Variants in ASTN2 observed in about 807,000 individuals in gnomAD.
ASTN2 encodes astrotactin-2.
ASTN2 carries 54 observed loss-of-function variants against 139.8 expected under a neutral mutation model. That is an observed-to-expected ratio of 0.39 (90% confidence interval 0.31 to 0.48). The LOEUF (loss-of-function observed/expected upper bound fraction) is 0.48. ASTN2 is among the 20% of genes least tolerant of loss of function. The probability of loss-of-function intolerance (pLI) is 0.95; values close to 1 mark genes in which losing one functional copy is unlikely to be tolerated. For synonymous variants in ASTN2, 756 were observed against 719.5 expected (o/e 1.05, Z -0.81); for missense variants, 1,565 against 1,725.1 (o/e 0.91, Z 1.64).
chr9:117,361,040 A>G (rs532261792), intron 1 of ASTN2, among the ~76,000 whole-genome samples: 2 of 152,254 alleles, frequency 1.3e-5, no homozygotes, highest in Admixed American at 6.5e-5. Context: ...TAAATTCTCA[A>G]TCTCAGGGGG....
At chr9:117,131,626 G>A (rs773149481) in intron 4 of ASTN2, among the ~76,000 whole-genome samples, 13 of 152,208 alleles carry the variant, frequency 8.5e-5, no homozygotes, top group Non-Finnish European at 1.5e-4. Context: ...TTACTGCCTG[G>A]AGGCTTCATC....
At position 116,972,135 on chromosome 9, in the gene ASTN2, C is replaced by T. The variant is rs117621832; in HGVS notation, c.1889+3073G>A. Among the ~76,000 whole-genome samples, 33 of 152,290 alleles carry T rather than the reference C, an allele frequency of 2.2e-4. No homozygotes were observed. In the East Asian group the frequency reaches 4.6e-3, roughly 21 times the overall value. ...CACTTGTAGTTCCCCATGTCACCAC[C>T]CTTTCCATCACCCAGAAGTAATCTC... is the stretch of plus-strand genomic sequence containing the variant. On this transcript the variant is annotated intron_variant, in intron 10 of 22. Coordinates refer to ENST00000313400, the MANE Select transcript of ASTN2 (RefSeq NM_001365068.1).
At chr9:116,593,008 A>C (rs1410749939) in intron 19 of ASTN2, among the ~76,000 whole-genome samples, 1 of 152,226 alleles carries the variant, frequency 6.6e-6, no homozygotes, top group East Asian at 1.9e-4. Flanking sequence ...TTGCAAATGG[A>C]CTCAGCAGCT....
At chr9:116,747,424 A>T (rs568870942) in intron 13 of ASTN2, among the ~76,000 whole-genome samples, 5 of 152,302 alleles carry the variant, frequency 3.3e-5, no homozygotes, top group African/African-American at 1.2e-4. Flanking sequence ...TCTTAGATGG[A>T]TGCCCTTTGT....
At chr9:116,648,681 T>C (rs1419998100) in intron 17 of ASTN2, among the ~76,000 whole-genome samples, 1 of 152,210 alleles carries the variant, frequency 6.6e-6, no homozygotes, top group Non-Finnish European at 1.5e-5. Flanking sequence ...TTCAGTTAGC[T>C]AGTTAGTTTT....
At chr9:116,620,079 G>C (rs925559663) in intron 18 of ASTN2, among the ~76,000 whole-genome samples, 3 of 152,092 alleles carry the variant, frequency 2.0e-5, no homozygotes, top group Admixed American at 6.6e-5. Context: ...GATGAACTGA[G>C]TGGCATCATT....
intron 11 of ASTN2, among the ~76,000 whole-genome samples, chr9:116,845,635 A>G (rs1490986138): frequency 6.6e-6 from 1 of 152,234 alleles, no homozygotes; most frequent in African/African-American, 2.4e-5. Context: ...AAAGATGACC[A>G]AAATGATTAG....
intron 10 of ASTN2, among the ~76,000 whole-genome samples, chr9:116,869,187 A>AAAAG (rs1173317946): frequency 9.2e-5 from 14 of 152,306 alleles, no homozygotes; most frequent in African/African-American, 3.4e-4. Flanking sequence ...TCCTGTCTCA[A>AAAAG]AAAGAAAGAA....
intron 4 of ASTN2, among the ~76,000 whole-genome samples, chr9:117,102,537 A>G (rs986232966): frequency 6.6e-6 from 1 of 152,042 alleles, no homozygotes; most frequent in African/African-American, 2.4e-5. Flanking sequence ...TATTATTATT[A>G]TTGAGACAGA....
chr9:116,467,596 C>G (rs1848689666), intron 20 of ASTN2, among the ~76,000 whole-genome samples: 1 of 152,210 alleles, frequency 6.6e-6, no homozygotes, highest in African/African-American at 2.4e-5. Context: ...ATTTGAACTC[C>G]TGGATTCAGC....
chr9:116,677,434 T>C (rs1185748602), intron 16 of ASTN2, among the ~76,000 whole-genome samples: 1 of 152,160 alleles, frequency 6.6e-6, no homozygotes, highest in African/African-American at 2.4e-5. Flanking sequence ...AGTTTGGGGG[T>C]ATCAGAAATT....
chr9:116,882,822 G>C (rs547330292), intron 10 of ASTN2, among the ~76,000 whole-genome samples: 2 of 134,392 alleles, frequency 1.5e-5, no homozygotes, highest in African/African-American at 5.1e-5. Context: ...CAGAGACCTT[G>C]ACTCTTAAAA....
intron 10 of ASTN2, among the ~76,000 whole-genome samples, chr9:116,949,080 T>C (rs1835486474): frequency 6.6e-6 from 1 of 151,990 alleles, no homozygotes; most frequent in Non-Finnish European, 1.5e-5. Flanking sequence ...TGAGCCACCA[T>C]GCCTGGCTTC....
intron 13 of ASTN2, among the ~76,000 whole-genome samples, chr9:116,749,030 G>GC (rs1829328300): frequency 1.3e-5 from 2 of 152,054 alleles, no homozygotes; most frequent in African/African-American, 2.4e-5. Flanking sequence ...ATCCTGGTCC[G>GC]CCCCCCGTCC....
At chr9:116,629,903 T>C (rs1040802303) in intron 17 of ASTN2, among the ~76,000 whole-genome samples, 1 of 152,142 alleles carries the variant, frequency 6.6e-6, no homozygotes, top group African/African-American at 2.4e-5. Context: ...CTGTCAGCTG[T>C]CTGTTTCTCA....
At chr9:116,956,813 C>A (rs527293979) in intron 10 of ASTN2, among the ~76,000 whole-genome samples, 5 of 152,090 alleles carry the variant, frequency 3.3e-5, no homozygotes, top group Non-Finnish European at 5.9e-5. Flanking sequence ...AATTGGAAAA[C>A]CAATTTCATT....
chr9:117,306,454 A>G (rs768678454), intron 1 of ASTN2, among the ~76,000 whole-genome samples: 1 of 152,158 alleles, frequency 6.6e-6, no homozygotes, highest in African/African-American at 2.4e-5. Context: ...GATTCTGAGT[A>G]GCCTCCTTGC....
Position 117,211,081 on chromosome 9 carries a change from A to G in ASTN2, c.1015+3277T>C, listed in dbSNP as rs114799523. On this transcript the variant is annotated intron_variant, in intron 3 of 22. Transcript: ENST00000313400. The stretch of plus-strand genomic sequence containing the variant: ...AAAATACCTCAACATAATAAAGGCC[A>G]TATATGACAAATCCACAGCTAACAT... Among the ~76,000 whole-genome samples, 843 of 152,174 alleles carry G rather than the reference A, an allele frequency of 5.5e-3. 6 individuals carry two copies. The highest frequency in any genetic ancestry group is 0.019 in the African/African-American group (799 of 41,524).
intron 13 of ASTN2, among the ~76,000 whole-genome samples, chr9:116,772,198 C>A (rs1012873682): frequency 6.6e-6 from 1 of 152,188 alleles, no homozygotes; most frequent in Non-Finnish European, 1.5e-5. Context: ...CAAATCTCAT[C>A]TTGAATTTTA....
Sources: allele counts gnomAD v4.1 joint callset (sites outside exome capture counted in the v4.1 genomes callset), GRCh38; gene constraint gnomAD v4.1.1; transcripts MANE v1.5; gene names NCBI Gene and HGNC (gene_info 2026-07-23, HGNC 2026-07-21).